LEMD3: variants seen among roughly 807,000 people sequenced by gnomAD.
The protein encoded by LEMD3 is inner nuclear membrane protein Man1.
Under a neutral mutation model 95.2 loss-of-function variants are expected in LEMD3, and 33 were observed. The observed-to-expected ratio is 0.35, with a 90% CI of 0.26 to 0.46. The LOEUF is 0.46. LEMD3 is among the 20% of genes least tolerant of loss of function. LEMD3 has a pLI of 1.00. For synonymous variants in LEMD3, 525 were observed against 474.6 expected (o/e 1.11, Z -1.38); for missense variants, 1,210 against 1,192.8 (o/e 1.01, Z -0.21).
chr12:65,238,704 A>C lies in LEMD3; in HGVS notation c.1811A>C (p.Asn604Thr). The change falls in exon 6 of 13, where the codon AAT becomes ACT. Residue 604 changes from asparagine (N) to threonine (T), a missense_variant. By Grantham distance (65) the Asn-to-Thr change is moderately conservative. Coordinates refer to ENST00000308330, the MANE Select transcript of LEMD3 (RefSeq NM_014319.5). ...TTTGGCCCTGAGGAAGAATTGACAA[A>C]TATAACTGATGTGCAGTTTTTACAG... ...VGFGPEEELT[N>T]ITDVQFLQST... 6.2e-7 allele frequency: 1 copy of C among 1,614,108 alleles called. No individual in the cohort carries two copies. The highest frequency in any genetic ancestry group is 1.1e-5 in the South Asian group (1 of 91,086).
In LEMD3 at chr12:65,247,044, G is replaced by A. The variant is rs1227946898; in HGVS notation, c.*719G>A. The A allele has an allele frequency of 1.3e-5, 2 of 152,428 alleles. No individual in the cohort carries two copies. Among genetic ancestry groups the A allele is most frequent in the East Asian group, 3.9e-4 (2 of 5,180 alleles). The allele number at this position is 152,428 out of a possible 1,614,324, so 9.4% of individuals were successfully genotyped here. On this transcript the variant is annotated 3_prime_UTR_variant, in exon 13 of 13. Transcript: ENST00000308330. Reference sequence around the variant, plus strand: ...TGTGTATGTGTGTGTATATATAGATGTATATATATACACACACAGAGATAT... The same window carrying A: ...TGTGTATGTGTGTGTATATATAGATATATATATATACACACACAGAGATAT...
intron 1 of LEMD3, among the ~76,000 whole-genome samples, chr12:65,198,638 C>T (rs549636787): frequency 6.6e-6 from 1 of 152,156 alleles, no homozygotes; most frequent in East Asian, 1.9e-4. Flanking sequence ...TACTAAAATC[C>T]ACAGATGCTC....
intron 1 of LEMD3, among the ~76,000 whole-genome samples, chr12:65,193,996 T>G (rs541342025): frequency 6.6e-6 from 1 of 152,262 alleles, no homozygotes; most frequent in East Asian, 1.9e-4. Context: ...AGCTGGTAAC[T>G]CAGAAGACAC....
chr12:65,186,073 A>G, intron 1 of LEMD3, among the ~76,000 whole-genome samples: 1 of 152,096 alleles, frequency 6.6e-6, no homozygotes, highest in East Asian at 1.9e-4. Flanking sequence ...TATCTAAGAT[A>G]TATTAGGTTA....
intron 1 of LEMD3, among the ~76,000 whole-genome samples, chr12:65,172,683 T>C (rs192144935): frequency 5.3e-5 from 8 of 152,068 alleles, no homozygotes; most frequent in Admixed American, 5.2e-4. Context: ...GCAGTAGCTA[T>C]CTGCATCTGT....
At chr12:65,230,746 C>CTA (rs1870600698) in intron 4 of LEMD3, among the ~76,000 whole-genome samples, 1 of 152,084 alleles carries the variant, frequency 6.6e-6, no homozygotes, top group South Asian at 2.1e-4. Context: ...CCCTTTATTT[C>CTA]TTTTTCTTGC....
intron 1 of LEMD3, among the ~76,000 whole-genome samples, chr12:65,194,306 C>G (rs1404148439): frequency 1.3e-5 from 2 of 152,068 alleles, no homozygotes; most frequent in East Asian, 1.9e-4. Flanking sequence ...AGGGGAATTG[C>G]AATAGAGAAA....
At chr12:65,177,786 AT>A (rs1266762161) in intron 1 of LEMD3, among the ~76,000 whole-genome samples, 1 of 151,906 alleles carries the variant, frequency 6.6e-6, no homozygotes, top group African/African-American at 2.4e-5. Flanking sequence ...CGAACTTGGT[AT>A]CTAAAATGAA....
At chr12:65,227,817 G>A (rs970164615) in intron 4 of LEMD3, among the ~76,000 whole-genome samples, 2 of 149,408 alleles carry the variant, frequency 1.3e-5, no homozygotes, top group African/African-American at 5.0e-5. Context: ...GTGGGGCCAA[G>A]GGAAGCCAAA....
At chr12:65,181,954 A>G (rs931564544) in intron 1 of LEMD3, among the ~76,000 whole-genome samples, 1 of 151,784 alleles carries the variant, frequency 6.6e-6, no homozygotes, top group Admixed American at 6.6e-5. Flanking sequence ...TTAAAGCCTT[A>G]GGTGAGAAGA....
intron 1 of LEMD3, among the ~76,000 whole-genome samples, chr12:65,188,988 A>T (rs1869153475): frequency 6.6e-6 from 1 of 152,176 alleles, no homozygotes; most frequent in Admixed American, 6.6e-5. Context: ...TTACTCCTGC[A>T]GTGGATGCCT....
intron 4 of LEMD3, among the ~76,000 whole-genome samples, chr12:65,225,114 TCTTA>T (rs1437530610): frequency 1.3e-5 from 2 of 152,186 alleles, no homozygotes; most frequent in African/African-American, 4.8e-5. Flanking sequence ...TTGTTGATAT[TCTTA>T]CTTGATTCAT....
rs78250313 is a variant in LEMD3, at chr12:65,202,465, G to C, written c.1523-8461G>C. On this transcript the variant is annotated intron_variant, in intron 1 of 12. Transcript: ENST00000308330. The stretch of plus-strand genomic sequence containing the variant: ...AAATCCCACTTGGTTGTAATATACT[G>C]TTCTTGTTATACTATGTTGGATGGA... Among the ~76,000 whole-genome samples the C allele has an allele frequency of 5.9e-5, 9 of 151,980 alleles. No individual in the cohort carries two copies. The East Asian group carries it at 1.4e-3, about 23-fold the overall frequency.
At chr12:65,178,235 G>A (rs942294400) in intron 1 of LEMD3, among the ~76,000 whole-genome samples, 6 of 151,608 alleles carry the variant, frequency 4.0e-5, no homozygotes, top group African/African-American at 1.5e-4. Context: ...AAAAATCCTA[G>A]ATCTATGAGA....
At position 65,196,807 on chromosome 12, in the gene LEMD3, C is replaced by A. The variant is rs564625526; in HGVS notation, c.1523-14119C>A. Reference sequence around the variant, plus strand: ...AAGGGGCTCAGTGGGGGCACTTATGCCTGTTACTCATTGCTCCTGTGGGTT... The same window carrying A: ...AAGGGGCTCAGTGGGGGCACTTATGACTGTTACTCATTGCTCCTGTGGGTT... On this transcript the variant is annotated intron_variant, in intron 1 of 12. Coordinates refer to ENST00000308330, the MANE Select transcript of LEMD3 (RefSeq NM_014319.5). Among the ~76,000 whole-genome samples, 85 of 152,222 alleles carry A rather than the reference C, an allele frequency of 5.6e-4. 2 individuals carry two copies. The highest frequency in any genetic ancestry group is 6.2e-4 in the South Asian group (3 of 4,824).
intron 2 of LEMD3, among the ~76,000 whole-genome samples, chr12:65,213,822 AG>A (rs1870020303): frequency 6.6e-6 from 1 of 152,322 alleles, no homozygotes; most frequent in East Asian, 1.9e-4. Flanking sequence ...AGGGTATGAT[AG>A]TACATATAAA....
At chr12:65,184,670 T>C (rs1464908417) in intron 1 of LEMD3, among the ~76,000 whole-genome samples, 2 of 152,310 alleles carry the variant, frequency 1.3e-5, no homozygotes, top group Admixed American at 6.5e-5. Flanking sequence ...TAGGTTTACT[T>C]GTTGAGTGCT....
intron 1 of LEMD3, among the ~76,000 whole-genome samples, chr12:65,174,617 C>A (rs1448111529): frequency 6.6e-6 from 1 of 152,022 alleles, no homozygotes; most frequent in Non-Finnish European, 1.5e-5. Flanking sequence ...TCTGACCTTT[C>A]TTAGTATTTT....
At position 65,172,812 on chromosome 12, in the gene LEMD3, G is replaced by A. The variant is rs528472783; in HGVS notation, c.1522+1694G>A. Among the ~76,000 whole-genome samples the A allele has an allele frequency of 3.3e-5, 5 of 150,334 alleles. No homozygotes were observed. The South Asian group carries it at 6.4e-4, about 19-fold the overall frequency. ...ACAATCTCTGGTCACTGCAACCTCCGCCTCCTGGGTTCAAGTGATTCTCCT... is the reference window on the plus strand; with the variant it reads ...ACAATCTCTGGTCACTGCAACCTCCACCTCCTGGGTTCAAGTGATTCTCCT... On this transcript the variant is annotated intron_variant, in intron 1 of 12. Coordinates refer to ENST00000308330, the MANE Select transcript of LEMD3 (RefSeq NM_014319.5).
Sources: gnomAD v4.1 joint callset for allele counts (sites outside exome capture counted in the v4.1 genomes callset) on GRCh38, gnomAD v4.1.1 for gene constraint, MANE v1.5 for transcripts, NCBI Gene and HGNC (gene_info 2026-07-23, HGNC 2026-07-21) for gene names.